The following SMG6 variants were observed in gnomAD, a reference collection of about 807,000 sequenced individuals.
SMG6 encodes the protein SMG6 nonsense mediated mRNA decay factor, also known as telomerase-binding protein EST1A.
Under a neutral mutation model 142.2 loss-of-function variants are expected in SMG6, and 66 were observed. The observed-to-expected ratio is 0.46, with a 90% CI of 0.38 to 0.57. The LOEUF (loss-of-function observed/expected upper bound fraction) is 0.57. Among genes scored for constraint, SMG6 ranks in the 20% least tolerant of loss-of-function variants. SMG6 has a pLI of 0.00. For missense variants in SMG6, 1,793 were observed against 1,832.0 expected (o/e 0.98, Z 0.39); for synonymous variants, 779 against 702.4 (o/e 1.11, Z -1.72).
At chr17:2,213,714 G>T in intron 10 of SMG6, 1 of 152,270 alleles carries the variant, frequency 6.6e-6, no homozygotes. Flanking sequence ...CCTCAAGGAT[G>T]GGCACTGCAC....
At chr17:2,287,121 C>T (rs565102395) in intron 6 of SMG6, among the ~76,000 whole-genome samples, 6 of 151,996 alleles carry the variant, frequency 3.9e-5, no homozygotes, top group African/African-American at 9.6e-5. Context: ...TTAGTAGAGA[C>T]GGGGTTTCAT....
At chr17:2,109,074 C>G (rs961305289) in intron 13 of SMG6, among the ~76,000 whole-genome samples, 1 of 152,218 alleles carries the variant, frequency 6.6e-6, no homozygotes, top group Non-Finnish European at 1.5e-5. Context: ...TTTCTCATGA[C>G]TAGCACAGAG....
intron 8 of SMG6, chr17:2,266,230 T>C (rs1188852475): frequency 2.1e-6 from 2 of 973,416 alleles, no homozygotes; most frequent in African/African-American, 3.5e-5. Context: ...AAAGGTCACG[T>C]GGGGTGGAAA....
rs564453109 is a variant in SMG6 at position 2,173,344 on chromosome 17, C to T, written c.3156-485G>A. ...ATACAGCAAGAGTCATGCATGTTTT[C>T]CTCCTACAATGCTTTAGAAATCTCT... On this transcript the variant is annotated intron_variant, in intron 12 of 18. Coordinates refer to ENST00000263073, the MANE Select transcript of SMG6 (RefSeq NM_017575.5). 3.1e-3 allele frequency among the ~76,000 whole-genome samples: 473 copies of T among 152,266 alleles called. 4 individuals carry two copies. Among genetic ancestry groups the T allele is most frequent in the Non-Finnish European group, 4.2e-3 (286 of 68,026 alleles).
intron 13 of SMG6, chr17:2,087,202 G>A: frequency 3.9e-6 from 5 of 1,290,468 alleles, no homozygotes; most frequent in Non-Finnish European, 5.1e-6. Flanking sequence ...GTAAGGACAA[G>A]CTGTGCACAC....
intron 13 of SMG6, among the ~76,000 whole-genome samples, chr17:2,108,118 C>G (rs912672235): frequency 2.0e-5 from 3 of 151,760 alleles, no homozygotes; most frequent in African/African-American, 7.3e-5. Context: ...ATAATGGCAA[C>G]AGCTAAGTGG....
chr17:2,239,725 A>T (rs2073754831), intron 9 of SMG6, among the ~76,000 whole-genome samples: 1 of 152,232 alleles, frequency 6.6e-6, no homozygotes, highest in South Asian at 2.1e-4. Flanking sequence ...GTAAAGAAAG[A>T]AAAGATTTCT....
chr17:2,245,865 AGAG>A (rs2073917645), intron 8 of SMG6, among the ~76,000 whole-genome samples: 1 of 152,122 alleles, frequency 6.6e-6, no homozygotes, highest in Non-Finnish European at 1.5e-5. Flanking sequence ...TTTTTTGTAG[AGAG>A]GAGTTCTCAA....
chr17:2,174,600 G>A (rs1448278131), intron 12 of SMG6, among the ~76,000 whole-genome samples: 1 of 152,168 alleles, frequency 6.6e-6, no homozygotes, highest in Non-Finnish European at 1.5e-5. Flanking sequence ...CAACACACGT[G>A]TACTGCAGAA....
chr17:2,190,640 C>T (rs2072130515), intron 10 of SMG6, among the ~76,000 whole-genome samples: 2 of 152,182 alleles, frequency 1.3e-5, no homozygotes, highest in Admixed American at 1.3e-4. Context: ...CTAAAGGCTC[C>T]TGCAATAAGG....
intron 8 of SMG6, among the ~76,000 whole-genome samples, chr17:2,253,073 T>C (rs2074082897): frequency 6.6e-6 from 1 of 152,040 alleles, no homozygotes; most frequent in Admixed American, 6.6e-5. Flanking sequence ...CAGAGCTGAG[T>C]AGCTGCAGCA....
intron 13 of SMG6, chr17:2,122,630 CG>C (rs1597422684): frequency 6.6e-6 from 1 of 152,222 alleles, no homozygotes; most frequent in Non-Finnish European, 1.5e-5. Flanking sequence ...GGAAGCGGGG[CG>C]GGGGGCAATG....
chr17:2,263,454 AGTAGCAGGAGAG>A (rs1454748775), intron 8 of SMG6, among the ~76,000 whole-genome samples: 1 of 152,234 alleles, frequency 6.6e-6, no homozygotes, highest in Non-Finnish European at 1.5e-5. Context: ...CGGAAAAAAC[AGTAGCAGGAGAG>A]GTGCCTAGTG....
At position 2,300,272 on chromosome 17, in the gene SMG6, T is replaced by C. The variant is rs141052415; in HGVS notation, c.481A>G (p.Ser161Gly). ...AGGACTTCTTCCTCCTCCACCCGAC[T>C]GGCGGATTCTTTGCTAACAGTCTGC... ...RLQTVSKESA[S>G]RVEEEEVLNQ... Residue 161 changes from serine (S) to glycine (G), a missense_variant, in exon 2 of 19, where the codon AGT (serine) becomes GGT (glycine). By Grantham distance (56) the Ser-to-Gly change is moderately conservative. Around this residue, in one of 3 missense-constraint regions of SMG6, gnomAD observed 1,597 missense variants for 1,584.6 expected, o/e 1.01. Transcript: ENST00000263073. 5.6e-6 allele frequency: 9 copies of C among 1,614,072 alleles called. No homozygotes were observed. Among genetic ancestry groups the C allele is most frequent in the Non-Finnish European group, 7.6e-6 (9 of 1,180,048 alleles).
intron 12 of SMG6, among the ~76,000 whole-genome samples, chr17:2,177,186 C>A (rs1477992486): frequency 1.3e-5 from 2 of 152,300 alleles, no homozygotes; most frequent in East Asian, 3.9e-4. Flanking sequence ...CCATGGGTTT[C>A]TGTGTTCCTA....
At chr17:2,234,261 AATT>A (rs968326440) in intron 10 of SMG6, among the ~76,000 whole-genome samples, 5 of 150,740 alleles carry the variant, frequency 3.3e-5, no homozygotes, top group East Asian at 1.9e-4. Context: ...TTTAATTCTT[AATT>A]ATTATTATTA....
intron 8 of SMG6, among the ~76,000 whole-genome samples, chr17:2,275,127 T>C (rs2074620653): frequency 1.3e-5 from 2 of 152,044 alleles, no homozygotes; most frequent in South Asian, 2.1e-4. Flanking sequence ...TTCCTACATA[T>C]ATAAAGAATA....
intron 8 of SMG6, among the ~76,000 whole-genome samples, chr17:2,274,257 CA>C (rs1202510391): frequency 6.6e-6 from 1 of 152,182 alleles, no homozygotes; most frequent in Non-Finnish European, 1.5e-5. Context: ...CTAGACTACA[CA>C]ATCAGAGAAA....
In SMG6 at chr17:2,085,590, C is replaced by T. The variant is rs1437033446; in HGVS notation, c.3534+135G>A. ...AAGGGGCACCATCAGAGCACACTCTCGAGAAGCTGGCTGGTCACATTAACA... is the reference window on the plus strand; with the variant it reads ...AAGGGGCACCATCAGAGCACACTCTTGAGAAGCTGGCTGGTCACATTAACA... On this transcript the variant is annotated intron_variant, in intron 14 of 18. Coordinates refer to ENST00000263073, the MANE Select transcript of SMG6 (RefSeq NM_017575.5). The surrounding 1 kb of genome is among the most constrained non-coding windows in gnomAD (Gnocchi z 4.1). 2.2e-6 allele frequency: 2 copies of T among 906,578 alleles called. No homozygotes were observed. The highest frequency in any genetic ancestry group is 1.7e-6 in the Non-Finnish European group (1 of 592,856). The allele number at this position is 906,578 out of a possible 1,614,324, so 56.2% of individuals were successfully genotyped here. A position where few individuals can be genotyped will look rare whatever the true frequency, so the allele number is the denominator to read the frequency against.
Sources: allele counts gnomAD v4.1 joint callset (sites outside exome capture counted in the v4.1 genomes callset), GRCh38; gene constraint gnomAD v4.1.1; regional missense constraint gnomAD v4.1.1; non-coding constraint Gnocchi (gnomAD v3.1); transcripts MANE v1.5; gene names NCBI Gene and HGNC (gene_info 2026-07-23, HGNC 2026-07-21).